ERC2: variants seen among roughly 807,000 people sequenced by gnomAD.
ERC2 encodes the protein ELKS/RAB6-interacting/CAST family member 2.
In ERC2, 42 loss-of-function variants were observed where a neutral mutation model predicts 114.8. That is an observed-to-expected ratio of 0.37 (90% confidence interval 0.29 to 0.47). ERC2 has a LOEUF of 0.47. Among genes scored for constraint, ERC2 ranks in the 20% least tolerant of loss-of-function variants. The pLI, the probability that ERC2 is intolerant of heterozygous loss-of-function variation, is 0.99. For missense variants in ERC2, 939 were observed against 1,150.7 expected (o/e 0.82, Z 2.66); for synonymous variants, 454 against 425.5 (o/e 1.07, Z -0.82).
At chr3:55,743,771 G>C (rs1412856664) in intron 14 of ERC2, among the ~76,000 whole-genome samples, 1 of 152,104 alleles carries the variant, frequency 6.6e-6, no homozygotes, top group Non-Finnish European at 1.5e-5. Context: ...ATGTACCTGA[G>C]TTTGAATCTC....
At chr3:56,261,500 C>T (rs190214336) in intron 3 of ERC2, among the ~76,000 whole-genome samples, 1 of 152,106 alleles carries the variant, frequency 6.6e-6, no homozygotes, top group Non-Finnish European at 1.5e-5. Flanking sequence ...TACACCCCAG[C>T]CATTAAATAA....
intron 14 of ERC2, among the ~76,000 whole-genome samples, chr3:55,803,731 G>T (rs1358787531): frequency 6.6e-6 from 1 of 152,132 alleles, no homozygotes; most frequent in Non-Finnish European, 1.5e-5. Context: ...TGTAAACACA[G>T]TCATGGAATA....
intron 2 of ERC2, among the ~76,000 whole-genome samples, chr3:56,384,945 T>C (rs6773537): frequency 0.23 from 35,289 of 152,024 alleles, 4,670 homozygotes; most frequent in Non-Finnish European, 0.29. Context: ...GATGGTCCTT[T>C]CCCTAATGAA....
At position 56,308,500 on chromosome 3, in the gene ERC2, G is replaced by A. The variant is rs144712625; in HGVS notation, c.658-12065C>T. On this transcript the variant is annotated intron_variant, in intron 2 of 17. Transcript: ENST00000288221. ...ATCTCAGAAGTCTAAAACACAGAAA[G>A]GTAACTAGAATGAAAATATAATTAT... Among the ~76,000 whole-genome samples, 1,263 of 152,210 alleles carry A rather than the reference G, an allele frequency of 8.3e-3. 15 individuals are homozygous for A. The highest frequency in any genetic ancestry group is 0.029 in the African/African-American group (1,190 of 41,528).
intron 4 of ERC2, among the ~76,000 whole-genome samples, chr3:56,167,416 T>C (rs891426745): frequency 6.6e-6 from 1 of 152,028 alleles, no homozygotes; most frequent in South Asian, 2.1e-4. Flanking sequence ...TAGTCAAACA[T>C]GTAGAGTCAA....
At chr3:56,156,539 G>A (rs2081731546) in intron 4 of ERC2, among the ~76,000 whole-genome samples, 1 of 152,096 alleles carries the variant, frequency 6.6e-6, no homozygotes, top group Admixed American at 6.5e-5. Context: ...GGGACCCCTA[G>A]GTAAGGGGTG....
At chr3:56,089,176 A>C (rs1346907720) in intron 6 of ERC2, among the ~76,000 whole-genome samples, 1 of 152,208 alleles carries the variant, frequency 6.6e-6, no homozygotes, top group Non-Finnish European at 1.5e-5. Context: ...GCTATGAAAG[A>C]CTTTAATTAA....
intron 15 of ERC2, among the ~76,000 whole-genome samples, chr3:55,711,582 A>T (rs1307504026): frequency 6.6e-6 from 1 of 152,208 alleles, no homozygotes; most frequent in Non-Finnish European, 1.5e-5. Context: ...GTGTTCAAAT[A>T]GAGACTCCAA....
intron 17 of ERC2, among the ~76,000 whole-genome samples, chr3:55,626,333 G>C (rs932021997): frequency 1.6e-4 from 25 of 152,272 alleles, no homozygotes; most frequent in African/African-American, 5.8e-4. Flanking sequence ...CCAATGATTA[G>C]CCCTGGTGGT....
At chr3:56,088,305 C>G (rs181546888) in intron 6 of ERC2, among the ~76,000 whole-genome samples, 16 of 152,208 alleles carry the variant, frequency 1.1e-4, no homozygotes, top group Non-Finnish European at 7.4e-5. Flanking sequence ...ACAATAAACT[C>G]GTATGATTTT....
In ERC2 at chr3:55,735,241, T is replaced by G. The variant is rs2065557630; in HGVS notation, c.2565-323A>C. Among the ~76,000 whole-genome samples the G allele has an allele frequency of 2.0e-5, 3 of 152,212 alleles. 1 individual carries two copies. The South Asian group carries it at 6.2e-4, about 32-fold the overall frequency. On this transcript the variant is annotated intron_variant, in intron 14 of 17. Transcript: ENST00000288221. ...AAACATACATATATTCATCTATCCA[T>G]CCATCAATTTGCCAAGAGTCTTAGT...
intron 3 of ERC2, among the ~76,000 whole-genome samples, chr3:56,271,517 T>C (rs1248110090): frequency 6.6e-6 from 1 of 152,184 alleles, no homozygotes; most frequent in Admixed American, 6.5e-5. Context: ...CAAGGAATTA[T>C]ATGAGAATTA....
chr3:55,643,213 T>G (rs1351672738), intron 17 of ERC2, among the ~76,000 whole-genome samples: 1 of 152,216 alleles, frequency 6.6e-6, no homozygotes, highest in Non-Finnish European at 1.5e-5. Context: ...CATCATAGAT[T>G]TAGAATGCAA....
intron 2 of ERC2, among the ~76,000 whole-genome samples, chr3:56,332,754 G>C (rs888414325): frequency 6.6e-6 from 1 of 152,006 alleles, no homozygotes; most frequent in African/African-American, 2.4e-5. Context: ...TTCACTTCAG[G>C]GTCCTTCTAA....
intron 1 of ERC2, among the ~76,000 whole-genome samples, chr3:56,456,329 C>T (rs1034783773): frequency 1.3e-5 from 2 of 152,324 alleles, no homozygotes; most frequent in Middle Eastern, 3.4e-3. Context: ...AGGTTACATA[C>T]TCTGGTGGAC....
At chr3:56,080,665 C>G (rs2077186644) in intron 7 of ERC2, among the ~76,000 whole-genome samples, 152 bp downstream of exon 7, 1 of 152,122 alleles carries the variant, frequency 6.6e-6, no homozygotes, top group Non-Finnish European at 1.5e-5. Context: ...TGACATGATG[C>G]AACTACCAGT....
At chr3:55,918,690 C>T (rs928789730) in intron 13 of ERC2, among the ~76,000 whole-genome samples, 5 of 151,620 alleles carry the variant, frequency 3.3e-5, no homozygotes, top group African/African-American at 9.7e-5. Context: ...AGCTGATCCA[C>T]CCTATCATAG....
At chr3:56,143,864 A>G (rs957229302) in intron 5 of ERC2, among the ~76,000 whole-genome samples, 1 of 152,354 alleles carries the variant, frequency 6.6e-6, no homozygotes, top group East Asian at 1.9e-4. Flanking sequence ...AACTGACATA[A>G]ACAATAACAA....
At chr3:56,247,893 G>A (rs936825933) in intron 3 of ERC2, among the ~76,000 whole-genome samples, 5 of 152,202 alleles carry the variant, frequency 3.3e-5, no homozygotes, top group Non-Finnish European at 5.9e-5. Flanking sequence ...TGGAACAAAT[G>A]AGAAAACTCA....
Sources: gnomAD v4.1 joint callset for allele counts (sites outside exome capture counted in the v4.1 genomes callset) on GRCh38, gnomAD v4.1.1 for gene constraint, MANE v1.5 for transcripts, NCBI Gene and HGNC (gene_info 2026-07-23, HGNC 2026-07-21) for gene names.